HSPA12A: variants seen among roughly 807,000 people sequenced by gnomAD.
HSPA12A encodes heat shock protein family A (Hsp70) member 12A, also known as heat shock 70 kDa protein 12A.
In HSPA12A, 28 loss-of-function variants were observed where a neutral mutation model predicts 69.2. That is an observed-to-expected ratio of 0.40 (90% confidence interval 0.30 to 0.55). HSPA12A has a LOEUF of 0.55. Ranked by LOEUF, HSPA12A falls within the 20% of genes least tolerant of loss-of-function variation. The pLI, the probability that HSPA12A is intolerant of heterozygous loss-of-function variation, is 0.38. For synonymous variants in HSPA12A, 345 were observed against 370.5 expected, an observed-to-expected ratio of 0.93 and a Z score of 0.79; for missense variants, 686 against 900.7, an observed-to-expected ratio of 0.76 and a Z score of 3.05.
At chr10:116,750,161 G>A (rs1408960482) in intron 2 of HSPA12A, 1 of 615,288 alleles carries the variant, frequency 1.6e-6, no homozygotes, top group African/African-American at 1.8e-5. Context: ...AAAACATGGT[G>A]TGAAGGTTGG....
upstream of HSPA12A, among the ~76,000 whole-genome samples, chr10:116,743,309 C>T (rs368370369): frequency 6.6e-6 from 1 of 152,352 alleles, no homozygotes; most frequent in East Asian, 1.9e-4. Context: ...AGCTCCTCCA[C>T]ACACACGCGC....
chr10:116,699,142 G>A (rs1850005833), intron 4 of HSPA12A, among the ~76,000 whole-genome samples: 1 of 152,176 alleles, frequency 6.6e-6, no homozygotes, highest in African/African-American at 2.4e-5. Context: ...CCTGATGGAG[G>A]CCTAATCGTA....
intron 4 of HSPA12A, 95 bp downstream of exon 4, chr10:116,700,848 C>T: frequency 8.2e-7 from 1 of 1,221,510 alleles, no homozygotes; most frequent in Non-Finnish European, 1.2e-6. Context: ...AGAGGGCCCC[C>T]TGGGTTGGGA....
At chr10:116,839,815 T>C (rs112821258) in intron 1 of HSPA12A, among the ~76,000 whole-genome samples, 3 of 152,202 alleles carry the variant, frequency 2.0e-5, no homozygotes, top group African/African-American at 7.2e-5. Context: ...CTGATCCTGA[T>C]GTGGCAGCTG....
intron 2 of HSPA12A, among the ~76,000 whole-genome samples, chr10:116,772,770 C>T: frequency 6.6e-6 from 1 of 152,074 alleles, no homozygotes; most frequent in Non-Finnish European, 1.5e-5. Flanking sequence ...TCACGGCTCA[C>T]TGCAGCCTCA....
At chr10:116,730,439 C>A (rs1250286164) in intron 1 of HSPA12A, among the ~76,000 whole-genome samples, 1 of 152,220 alleles carries the variant, frequency 6.6e-6, no homozygotes, top group African/African-American at 2.4e-5. Flanking sequence ...AAGTGCCCAT[C>A]CAACACTAGC....
rs183409773 is a variant in HSPA12A at position 116,791,346 on chromosome 10, T to C, written c.91+43589A>G. On this transcript the variant is annotated intron_variant, in intron 2 of 12. Coordinates refer to the HSPA12A transcript ENST00000635765. Reference sequence around the variant, plus strand: ...TGACAGAACCTTTTCAATGCAACCATTTGGGAGAAAAATTGCAAATAGGTT... The same window carrying C: ...TGACAGAACCTTTTCAATGCAACCACTTGGGAGAAAAATTGCAAATAGGTT... 2.8e-3 allele frequency among the ~76,000 whole-genome samples: 423 copies of C among 152,340 alleles called. 2 individuals are homozygous for C. The highest frequency in any genetic ancestry group is 9.8e-3 in the African/African-American group (408 of 41,570).
chr10:116,716,707 C>T (rs367652313), intron 1 of HSPA12A, among the ~76,000 whole-genome samples: 1 of 152,256 alleles, frequency 6.6e-6, no homozygotes, highest in African/African-American at 2.4e-5. Flanking sequence ...CAAAACAGCT[C>T]CTGAGGAGGA....
rs71013613 is a variant in HSPA12A at position 116,726,027 on chromosome 10, G to GCACACACACACACACACA, written c.40+16385_40+16402dup. On this transcript the variant is annotated intron_variant, in intron 1 of 11. Transcript: ENST00000369209. ...ACAAGGTTTAGACACACACACACACGCACACACACACACACACACACACAC... is the reference window on the plus strand; with the variant it reads ...ACAAGGTTTAGACACACACACACACGCACACACACACACACACACACACACACACACACACACACACAC... Among the ~76,000 whole-genome samples the GCACACACACACACACACA allele has an allele frequency of 7.5e-4, 110 of 146,222 alleles. 1 individual carries two copies. The highest frequency in any genetic ancestry group is 1.9e-3 in the African/African-American group (74 of 39,084).
chr10:116,839,248 T>C (rs1845765146), intron 1 of HSPA12A, among the ~76,000 whole-genome samples: 1 of 152,228 alleles, frequency 6.6e-6, no homozygotes. Context: ...CACAAGATCA[T>C]TCTAAAGGAA....
At chr10:116,684,098 T>C (rs12265643) in intron 6 of HSPA12A, 136 bp from the exon 7 acceptor site, 4 of 669,520 alleles carry the variant, frequency 6.0e-6, no homozygotes, top group Non-Finnish European at 9.0e-6. Flanking sequence ...TACACAGTCC[T>C]CTGCAGAGCA....
chr10:116,751,929 C>A (rs1295770379), intron 2 of HSPA12A, among the ~76,000 whole-genome samples: 2 of 152,170 alleles, frequency 1.3e-5, no homozygotes, highest in African/African-American at 4.8e-5. Context: ...TTGAGCCTCA[C>A]CAGAAGCCAA....
At chr10:116,693,075 A>G (rs1193770310) in intron 5 of HSPA12A, among the ~76,000 whole-genome samples, 3 of 152,186 alleles carry the variant, frequency 2.0e-5, no homozygotes, top group African/African-American at 7.2e-5. Context: ...ATCTTGACTC[A>G]GCAAAGGTCT....
chr10:116,842,469 C>T (rs953142794), intron 1 of HSPA12A, among the ~76,000 whole-genome samples: 1 of 152,078 alleles, frequency 6.6e-6, no homozygotes, highest in Non-Finnish European at 1.5e-5. Context: ...GAAAACCTGG[C>T]CTTTTAAAGG....
chr10:116,685,115 C>A (rs1407766358), intron 6 of HSPA12A, among the ~76,000 whole-genome samples: 1 of 152,180 alleles, frequency 6.6e-6, no homozygotes, highest in Middle Eastern at 3.2e-3. Flanking sequence ...TTCTTAGGAA[C>A]CTTGGGATGC....
At chr10:116,727,771 T>A (rs529362831) in intron 1 of HSPA12A, among the ~76,000 whole-genome samples, 2,097 of 140,934 alleles carry the variant, frequency 0.015, 15 homozygotes, top group Middle Eastern at 0.044. Context: ...TTTTTTTTGG[T>A]TTTTTGGAAA....
Position 116,723,438 on chromosome 10 carries a change from C to T in HSPA12A, c.41-16153G>A, listed in dbSNP as rs1434714776. On this transcript the variant is annotated intron_variant, in intron 1 of 11. Coordinates refer to ENST00000369209, the MANE Select transcript of HSPA12A (RefSeq NM_025015.3). The surrounding 1 kb of genome is among the most constrained non-coding windows in gnomAD (Gnocchi z 4.1). ...GGGCAGGGGACGGGGCTGAGGACCC[C>T]GAATGAGCTGGGTTCTGGGGCAACA... Among the ~76,000 whole-genome samples, 1 of 152,164 alleles carries T rather than the reference C, an allele frequency of 6.6e-6. No individual in the cohort carries two copies. Among genetic ancestry groups the T allele is most frequent in the African/African-American group, 2.4e-5 (1 of 41,434 alleles).
chr10:116,696,874 T>C (rs1849921357), intron 5 of HSPA12A, among the ~76,000 whole-genome samples: 2 of 152,046 alleles, frequency 1.3e-5, no homozygotes, highest in South Asian at 4.2e-4. Flanking sequence ...CAGCTTGAAA[T>C]ACCCACCCTT....
At chr10:116,849,739 C>T in exon 1 of HSPA12A, 1 of 1,505,348 alleles carries the variant, frequency 6.6e-7, no homozygotes, top group South Asian at 1.3e-5. Flanking sequence ...CTGGTAGGGA[C>T]CTGGGACAAG....
Sources: gnomAD v4.1 joint callset for allele counts (sites outside exome capture counted in the v4.1 genomes callset) on GRCh38, gnomAD v4.1.1 for gene constraint, Gnocchi (gnomAD v3.1) non-coding constraint, MANE v1.5 for transcripts, NCBI Gene and HGNC (gene_info 2026-07-23, HGNC 2026-07-21) for gene names.